The following GPC5 variants were observed in gnomAD, a reference collection of about 807,000 sequenced individuals.
GPC5 encodes glypican-5.
Under a neutral mutation model 53.9 loss-of-function variants are expected in GPC5, and 47 were observed. The observed-to-expected ratio is 0.87, with a 90% CI of 0.69 to 1.11. GPC5 has a LOEUF of 1.11. Ranked by LOEUF, GPC5 falls within the 50% of genes most tolerant of loss-of-function variation. GPC5 has a pLI of 0.00. For synonymous variants in GPC5, 286 were observed against 263.3 expected (o/e 1.09, Z -0.84); for missense variants, 748 against 713.1 (o/e 1.05, Z -0.56).
chr13:92,742,963 C>A (rs1202596529), intron 7 of GPC5, among the ~76,000 whole-genome samples: 1 of 152,046 alleles, frequency 6.6e-6, no homozygotes, highest in Non-Finnish European at 1.5e-5. Context: ...GTACCAGTAC[C>A]ATGCTGTTTT....
chr13:91,676,081 TG>T (rs1482613722), intron 2 of GPC5, among the ~76,000 whole-genome samples: 1 of 152,156 alleles, frequency 6.6e-6, no homozygotes, highest in Non-Finnish European at 1.5e-5. Context: ...TGTTTGTTTT[TG>T]TTTTTTGAGA....
At chr13:91,913,692 A>G (rs1327528849) in intron 6 of GPC5, among the ~76,000 whole-genome samples, 1 of 151,828 alleles carries the variant, frequency 6.6e-6, no homozygotes, top group Non-Finnish European at 1.5e-5. Flanking sequence ...GGAGTCATGC[A>G]CCTCCCTTTT....
chr13:92,774,203 C>T (rs1875712608), intron 7 of GPC5, among the ~76,000 whole-genome samples: 1 of 152,172 alleles, frequency 6.6e-6, no homozygotes, highest in Non-Finnish European at 1.5e-5. Flanking sequence ...CACAGCTTAA[C>T]CTCAGTCAAC....
chr13:91,929,581 A>G (rs2039801364), intron 6 of GPC5, among the ~76,000 whole-genome samples: 1 of 151,984 alleles, frequency 6.6e-6, no homozygotes, highest in Admixed American at 6.6e-5. Flanking sequence ...TTCATTGAAC[A>G]GTTACTTCAT....
At chr13:91,757,194 A>G (rs1448776519) in intron 5 of GPC5, among the ~76,000 whole-genome samples, 1 of 152,108 alleles carries the variant, frequency 6.6e-6, no homozygotes. Context: ...TTGATTTGCC[A>G]ATACTGGTGG....
chr13:92,806,044 A>G (rs1877088033), intron 7 of GPC5, among the ~76,000 whole-genome samples: 1 of 152,018 alleles, frequency 6.6e-6, no homozygotes, highest in Non-Finnish European at 1.5e-5. Context: ...CCTAGATGGC[A>G]TCTTCTTCCA....
chr13:91,780,970 G>A (rs2037788813), intron 5 of GPC5, among the ~76,000 whole-genome samples: 1 of 152,156 alleles, frequency 6.6e-6, no homozygotes, highest in Non-Finnish European at 1.5e-5. Context: ...TTTTGAAGTT[G>A]CAAGAGAAGA....
At chr13:92,795,290 T>C (rs1286700975) in intron 7 of GPC5, among the ~76,000 whole-genome samples, 1 of 152,156 alleles carries the variant, frequency 6.6e-6, no homozygotes, top group Non-Finnish European at 1.5e-5. Flanking sequence ...GGGAAAGGAT[T>C]CCCTATTTAA....
At chr13:92,167,439 C>A (rs762678965) in intron 7 of GPC5, among the ~76,000 whole-genome samples, 4 of 151,738 alleles carry the variant, frequency 2.6e-5, no homozygotes, top group African/African-American at 9.7e-5. Context: ...AAAAGCAATG[C>A]AAATGATTGA....
At chr13:92,662,080 G>C (rs1330662988) in intron 7 of GPC5, among the ~76,000 whole-genome samples, 1 of 151,960 alleles carries the variant, frequency 6.6e-6, no homozygotes, top group African/African-American at 2.4e-5. Context: ...ACATATATTT[G>C]CTTGTCCCTA....
intron 7 of GPC5, among the ~76,000 whole-genome samples, chr13:92,849,834 T>C (rs1354870713): frequency 6.6e-6 from 1 of 152,226 alleles, no homozygotes; most frequent in Admixed American, 6.5e-5. Context: ...AATGAAACAC[T>C]GCTCAGTATT....
chr13:92,344,009 C>T (rs1012956478), intron 7 of GPC5, among the ~76,000 whole-genome samples: 3 of 152,064 alleles, frequency 2.0e-5, no homozygotes, highest in Admixed American at 6.6e-5. Flanking sequence ...TGTTGTTTTC[C>T]TGCCCAGCCT....
At chr13:92,663,662 A>C (rs1277636126) in intron 7 of GPC5, among the ~76,000 whole-genome samples, 5 of 142,382 alleles carry the variant, frequency 3.5e-5, no homozygotes, top group Non-Finnish European at 7.5e-5. Context: ...CTATATATAT[A>C]TACTATATAT....
rs2035751734 is a variant in GPC5, at chr13:91,691,244, G to C, written c.326-1943G>C. On this transcript the variant is annotated intron_variant, in intron 2 of 7. Coordinates refer to ENST00000377067, the MANE Select transcript of GPC5 (RefSeq NM_004466.6). ...TTTTACACGTATTTGCAACCGCAATGTTTCAAAAACTGGCCAGGTTAAAAG... is the reference window on the plus strand; with the variant it reads ...TTTTACACGTATTTGCAACCGCAATCTTTCAAAAACTGGCCAGGTTAAAAG... Among the ~76,000 whole-genome samples the C allele has an allele frequency of 2.0e-5, 3 of 152,220 alleles. No individual in the cohort carries two copies. The South Asian group carries it at 6.2e-4, about 31-fold the overall frequency.
rs76118553 is a variant in GPC5, at chr13:91,589,009, T to C, written c.326-104178T>C. Among the ~76,000 whole-genome samples, 1,186 of 152,242 alleles carry C rather than the reference T, an allele frequency of 7.8e-3. 8 individuals carry two copies. Among genetic ancestry groups the C allele is most frequent in the Middle Eastern group, 0.014 (4 of 294 alleles). On this transcript the variant is annotated intron_variant, in intron 2 of 7. Coordinates refer to ENST00000377067, the MANE Select transcript of GPC5 (RefSeq NM_004466.6). ...ACAAAAAATTAGGGGTGGAAAATTT[T>C]CTCCCATTATCTCTTCAACTCACCA...
At chr13:91,923,244 T>C (rs1402600603) in intron 6 of GPC5, among the ~76,000 whole-genome samples, 1 of 152,208 alleles carries the variant, frequency 6.6e-6, no homozygotes, top group East Asian at 1.9e-4. Flanking sequence ...CCATAATGTT[T>C]TGCGGACTCA....
chr13:92,854,264 G>GAATATAGATATCCTATATA (rs1878914300), intron 7 of GPC5, among the ~76,000 whole-genome samples: 1 of 144,800 alleles, frequency 6.9e-6, no homozygotes, highest in African/African-American at 2.6e-5. Flanking sequence ...ACAGTTTATT[G>GAATATAGATATCCTATATA]AATATAGATA....
At chr13:92,396,895 T>C (rs986522385) in intron 7 of GPC5, among the ~76,000 whole-genome samples, 3 of 152,194 alleles carry the variant, frequency 2.0e-5, no homozygotes, top group African/African-American at 7.2e-5. Context: ...TTTCTCCAGC[T>C]GAGAAAAGGC....
intron 5 of GPC5, among the ~76,000 whole-genome samples, chr13:91,777,201 C>T (rs1044955016): frequency 2.0e-5 from 3 of 152,086 alleles, no homozygotes; most frequent in Non-Finnish European, 4.4e-5. Context: ...AGGTATGCTC[C>T]CTGTTCTTAT....
Sources: allele counts gnomAD v4.1 joint callset (sites outside exome capture counted in the v4.1 genomes callset), GRCh38; gene constraint gnomAD v4.1.1; transcripts MANE v1.5; gene names NCBI Gene and HGNC (gene_info 2026-07-23, HGNC 2026-07-21).